Variants in ATRN observed in about 807,000 individuals in gnomAD.
The protein encoded by ATRN is attractin, also known as attractin-2.
ATRN carries 54 observed loss-of-function variants against 178.7 expected under a neutral mutation model. The observed-to-expected ratio is 0.30, with a 90% CI of 0.24 to 0.38. The LOEUF (loss-of-function observed/expected upper bound fraction) is 0.38, where lower values mean the gene tolerates loss of function less well. ATRN is among the 10% of genes least tolerant of loss of function. The probability of loss-of-function intolerance (pLI) is 1.00; values close to 1 mark genes in which losing one functional copy is unlikely to be tolerated. For synonymous variants in ATRN, 636 were observed against 663.0 expected (o/e 0.96, Z 0.63); for missense variants, 1,443 against 1,815.1 (o/e 0.79, Z 3.73).
Position 3,559,335 on chromosome 20 carries a change from T to C in ATRN, c.1113-58T>C, listed in dbSNP as rs534610345. 8.6e-6 allele frequency: 11 copies of C among 1,276,198 alleles called. No homozygotes were observed. The South Asian group carries it at 1.2e-4, about 14-fold the overall frequency. The allele number at this position is 1,276,198 out of a possible 1,614,324, so 79.1% of individuals were successfully genotyped here. ...AAACTGGATTATGTCACAAATAAAATAGTATGAGATGTTCTGTCTTATTAG... is the reference window on the plus strand; with the variant it reads ...AAACTGGATTATGTCACAAATAAAACAGTATGAGATGTTCTGTCTTATTAG... On this transcript the variant is annotated intron_variant, in intron 6 of 28. Transcript: ENST00000262919.
chr20:3,484,558 G>C (rs890622276), intron 1 of ATRN, among the ~76,000 whole-genome samples: 1 of 152,094 alleles, frequency 6.6e-6, no homozygotes, highest in Non-Finnish European at 1.5e-5. Context: ...CTCCCCGTTT[G>C]TATTGAATTG....
intron 19 of ATRN, among the ~76,000 whole-genome samples, chr20:3,593,466 A>G (rs2086482037): frequency 6.6e-6 from 1 of 152,194 alleles, no homozygotes; most frequent in Non-Finnish European, 1.5e-5. Flanking sequence ...TCATATGGAC[A>G]AGGAAGCTGA....
chr20:3,560,931 C>T (rs761350332), intron 8 of ATRN, 26 bp downstream of exon 8: 7 of 1,608,276 alleles, frequency 4.4e-6, no homozygotes, highest in Non-Finnish European at 6.0e-6. Flanking sequence ...CCAGTAGATG[C>T]CTTTTGAACA....
At chr20:3,559,020 TG>T (rs1237432671) in intron 6 of ATRN, among the ~76,000 whole-genome samples, 1 of 152,240 alleles carries the variant, frequency 6.6e-6, no homozygotes, top group Non-Finnish European at 1.5e-5. Context: ...ATCCCTTTTT[TG>T]GTACCTATCT....
intron 1 of ATRN, among the ~76,000 whole-genome samples, chr20:3,508,936 G>A (rs1294184676): frequency 6.6e-6 from 1 of 151,894 alleles, no homozygotes; most frequent in Admixed American, 6.6e-5. Flanking sequence ...ATAATTTCTA[G>A]GGTAATCACT....
chr20:3,600,536 T>C (rs1311580181), intron 22 of ATRN, among the ~76,000 whole-genome samples: 2 of 152,140 alleles, frequency 1.3e-5, no homozygotes, highest in Non-Finnish European at 2.9e-5. Context: ...TAAATAAATA[T>C]AATTTTGGGC....
In ATRN at chr20:3,534,151, G is replaced by A. The variant is rs1212970576; in HGVS notation, c.411-1102G>A. Among the ~76,000 whole-genome samples the A allele has an allele frequency of 3.9e-5, 6 of 152,184 alleles. No individual in the cohort carries two copies. In the South Asian group the frequency reaches 8.3e-4, roughly 21 times the overall value. Reference sequence around the variant, plus strand: ...AGGGAGTTTGCAGGATATGATTCTCGTGATGGATTATGGAGTCTTAACTAG... The same window carrying A: ...AGGGAGTTTGCAGGATATGATTCTCATGATGGATTATGGAGTCTTAACTAG... On this transcript the variant is annotated intron_variant, in intron 1 of 28. Coordinates refer to ENST00000262919, the MANE Select transcript of ATRN (RefSeq NM_139321.3).
In ATRN at chr20:3,560,818, C is replaced by T; in HGVS notation, c.1360C>T (p.Leu454=). The T allele has an allele frequency of 1.2e-6, 2 of 1,614,170 alleles. No homozygotes were observed. The highest frequency in any genetic ancestry group is 1.7e-6 in the Non-Finnish European group (2 of 1,180,030). The part of the protein sequence containing the change: ...VVGHSAHIVT[L]KNGRVVMLVI... ...TGGGCACTCTGCACACATTGTTACACTGAAGAATGGCCGAGTGGTCATGCT... is the reference window on the plus strand; with the variant it reads ...TGGGCACTCTGCACACATTGTTACATTGAAGAATGGCCGAGTGGTCATGCT... The change falls in exon 8 of 29, where the codon CTG becomes TTG. Residue 454 remains leucine, a synonymous_variant. Coordinates refer to ENST00000262919, the MANE Select transcript of ATRN (RefSeq NM_139321.3).
chr20:3,545,724 T>G (rs1183893645), intron 3 of ATRN, 38 bp from the exon 4 acceptor site: 1 of 1,606,090 alleles, frequency 6.2e-7, no homozygotes, highest in South Asian at 1.1e-5. Flanking sequence ...ATGTCTGTGC[T>G]TGTGCTTCCC....
chr20:3,472,295 T>G (rs1352585621), intron 1 of ATRN, among the ~76,000 whole-genome samples: 1 of 152,242 alleles, frequency 6.6e-6, no homozygotes. Context: ...TACAGACAGA[T>G]TAGCCAGACT....
chr20:3,635,272 G>A (rs1459470085), intron 26 of ATRN, among the ~76,000 whole-genome samples: 1 of 151,536 alleles, frequency 6.6e-6, no homozygotes, highest in South Asian at 2.1e-4. Context: ...ACACTGCTCG[G>A]GTGATAGGTG....
chr20:3,600,496 A>G (rs533899900), intron 22 of ATRN, among the ~76,000 whole-genome samples: 10 of 152,176 alleles, frequency 6.6e-5, no homozygotes, highest in Admixed American at 2.0e-4. Flanking sequence ...TATATAATCT[A>G]TGAGTTTAGA....
rs867335010 is a variant in ATRN, at chr20:3,604,156, A to G, written c.3695A>G (p.Lys1232Arg). 2 of 1,610,534 alleles carry G rather than the reference A, an allele frequency of 1.2e-6. No individual in the cohort carries two copies. Among genetic ancestry groups the G allele is most frequent in the African/African-American group, 2.7e-5 (2 of 74,824 alleles). The change falls in exon 24 of 29, where the codon AAG (lysine) becomes AGG (arginine). Residue 1232 changes from lysine (K) to arginine (R), a missense_variant. Transcript: ENST00000262919. Reference protein sequence around the residue: ...EMPVVSKTNIKEYKDSFSNEK... With the variant: ...EMPVVSKTNIREYKDSFSNEK... ...CCTGTTGTTTCAAAAACCAACATTAAGGAGTACAAAGATAGTTTCTCTAAT... is the reference window on the plus strand; with the variant it reads ...CCTGTTGTTTCAAAAACCAACATTAGGGAGTACAAAGATAGTTTCTCTAAT...
chr20:3,552,303 G>C (rs756124762), intron 6 of ATRN, among the ~76,000 whole-genome samples: 1 of 152,072 alleles, frequency 6.6e-6, no homozygotes, highest in African/African-American at 2.4e-5. Flanking sequence ...TTGCAGCCTA[G>C]ACTTTTTACC....
In ATRN at chr20:3,634,406, A is replaced by G. The variant is rs2087011040; in HGVS notation, c.3942+17A>G. ...CGTAGAGAGGTAAGCTTCAGTGGGT[A>G]AAGATTAAAGAATCCCTGGAAGAGC... On this transcript the variant is annotated intron_variant, in intron 26 of 28. Coordinates refer to ENST00000262919, the MANE Select transcript of ATRN (RefSeq NM_139321.3). 4 of 1,602,576 alleles carry G rather than the reference A, an allele frequency of 2.5e-6. No individual in the cohort carries two copies. Among genetic ancestry groups the G allele is most frequent in the East Asian group, 4.5e-5 (2 of 44,666 alleles).
chr20:3,500,768 A>G (rs1396284616), intron 1 of ATRN, among the ~76,000 whole-genome samples: 3 of 151,812 alleles, frequency 2.0e-5, no homozygotes, highest in Non-Finnish European at 4.4e-5. Context: ...GCGCACCAGC[A>G]TGGCACATGT....
chr20:3,615,493 A>T (rs969893804), intron 24 of ATRN, among the ~76,000 whole-genome samples: 1 of 151,642 alleles, frequency 6.6e-6, no homozygotes, highest in Non-Finnish European at 1.5e-5. Context: ...CCTTAAATAT[A>T]GTTTGAAACA....
At chr20:3,596,246 GT>G in intron 20 of ATRN, 130 bp from the exon 21 acceptor site, 1 of 925,536 alleles carries the variant, frequency 1.1e-6, no homozygotes, top group Non-Finnish European at 1.7e-6. Flanking sequence ...CCTGAGCTGA[GT>G]TATGGTGAAG....
At position 3,649,991 on chromosome 20, in the gene ATRN, C is replaced by G. The variant is rs2087134879; in HGVS notation, c.*3144C>G. The G allele has an allele frequency of 6.6e-6, 1 of 152,204 alleles. No homozygotes were observed. The highest frequency in any genetic ancestry group is 2.4e-5 in the African/African-American group (1 of 41,424). 9.4% of individuals were successfully genotyped at this position (152,204 alleles called of 1,614,324 possible). A position where few individuals can be genotyped will look rare whatever the true frequency, so the allele number is the denominator to read the frequency against. ...CACACAGCCTGGGGAGAAGCCTGTGCCTCCCCGTGTGGAGAGAAGGCAACC... is the reference window on the plus strand; with the variant it reads ...CACACAGCCTGGGGAGAAGCCTGTGGCTCCCCGTGTGGAGAGAAGGCAACC... On this transcript the variant is annotated 3_prime_UTR_variant, in exon 29 of 29. Coordinates refer to ENST00000262919, the MANE Select transcript of ATRN (RefSeq NM_139321.3).
Sources: gnomAD v4.1 joint callset for allele counts (sites outside exome capture counted in the v4.1 genomes callset) on GRCh38, gnomAD v4.1.1 for gene constraint, MANE v1.5 for transcripts, NCBI Gene and HGNC (gene_info 2026-07-23, HGNC 2026-07-21) for gene names.